The following MED20 variants were observed in gnomAD, a reference collection of about 807,000 sequenced individuals.
MED20 encodes the protein mediator of RNA polymerase II transcription subunit 20.
A neutral mutation model predicts 19.7 loss-of-function variants in MED20; 19 were observed. The ratio of observed to expected loss-of-function variants is 0.96; its 90% CI spans 0.67 to 1.42. MED20 has a LOEUF of 1.42. MED20 is among the 40% of genes most tolerant of loss of function. MED20 has a pLI of 0.00. For synonymous variants in MED20, 105 were observed against 104.8 expected (o/e 1.00, Z -0.01); for missense variants, 225 against 273.0 (o/e 0.82, Z 1.24).
At chr6:41,909,187 G>C in intron 3 of MED20, 82 bp downstream of exon 3, 2 of 1,383,442 alleles carry the variant, frequency 1.4e-6, no homozygotes, top group African/African-American at 1.5e-5. Context: ...AAAAAAAAAA[G>C]AGAAGAACTG....
At chr6:41,917,667 C>T in intron 1 of MED20, 1 of 430,222 alleles carries the variant, frequency 2.3e-6, no homozygotes, top group South Asian at 1.6e-5. Context: ...GCCAAAGATT[C>T]TAGATGACAC....
At chr6:41,908,679 A>G (rs908375562) in intron 3 of MED20, among the ~76,000 whole-genome samples, 1 of 151,990 alleles carries the variant, frequency 6.6e-6, no homozygotes, top group Admixed American at 6.6e-5. Flanking sequence ...ATCATAACTC[A>G]CCTGCCTTCC....
intron 3 of MED20, chr6:41,908,992 G>C (rs1362695651): frequency 4.2e-6 from 2 of 475,614 alleles, no homozygotes; most frequent in Non-Finnish European, 7.4e-6. Context: ...AGATCAGCCT[G>C]GGCAACATAG....
rs763208484 is a variant in MED20 at position 41,916,866 on chromosome 6, T to C, written c.88A>G (p.Met30Val). Residue 30 changes from methionine to valine, a missense_variant, in exon 2 of 4, where the codon ATG (methionine) becomes GTG (valine). Met to Val is a conservative substitution (Grantham distance 21, BLOSUM62 1). Transcript: ENST00000265350. The stretch of plus-strand genomic sequence containing the variant: ...GTTCCTTGCTTCTCTGCCCCAAGCA[T>C]CTCCAATTTCCGGGTAAGGAGCTCT... ...TVELLTRKLE[M>V]LGAEKQGTFC... The C allele has an allele frequency of 2.5e-5, 41 of 1,614,074 alleles. No individual in the cohort carries two copies. The highest frequency in any genetic ancestry group is 2.9e-5 in the Non-Finnish European group (34 of 1,180,000).
chr6:41,906,962 T>C lies in MED20; in HGVS notation c.*110A>G, dbSNP rs937642645. On this transcript the variant is annotated 3_prime_UTR_variant, in exon 4 of 4. Coordinates refer to ENST00000265350, the MANE Select transcript of MED20 (RefSeq NM_004275.5). ...ACAGCTGAGAACCAGAGAAGGAGAG[T>C]AGAGTCCATGTCTACCCTGGGTTTC... 3 of 918,472 alleles carry C rather than the reference T, an allele frequency of 3.3e-6. No individual in the cohort carries two copies. The highest frequency in any genetic ancestry group is 3.3e-5 in the African/African-American group (2 of 60,206). 56.9% of individuals were successfully genotyped at this position (918,472 alleles called of 1,614,324 possible). A position where few individuals can be genotyped will look rare whatever the true frequency, so the allele number is the denominator to read the frequency against.
chr6:41,909,205 T>C (rs746481623), intron 3 of MED20, 64 bp downstream of exon 3: 1 of 1,545,166 alleles, frequency 6.5e-7, no homozygotes, highest in Non-Finnish European at 8.7e-7. Context: ...CTGGAAAATC[T>C]TCAGAGCCCT....
chr6:41,914,674 A>C (rs934073995), intron 2 of MED20, among the ~76,000 whole-genome samples: 6 of 151,924 alleles, frequency 3.9e-5, no homozygotes, highest in African/African-American at 1.5e-4. Flanking sequence ...AGCTGTGATC[A>C]TGCTACTGTA....
In MED20 at chr6:41,914,942, T is replaced by C. The variant is rs569978598; in HGVS notation, c.169+1843A>G. The stretch of plus-strand genomic sequence containing the variant: ...AAGACTTCTGGGCCTAAAACAAGTC[T>C]TTCTCAAATTTCAGAGTGCATAAGG... On this transcript the variant is annotated intron_variant, in intron 2 of 3. Transcript: ENST00000265350. 2.6e-5 allele frequency among the ~76,000 whole-genome samples: 4 copies of C among 152,306 alleles called. No individual in the cohort carries two copies. The South Asian group carries it at 8.3e-4, about 32-fold the overall frequency.
chr6:41,913,178 A>G (rs1775238862), intron 2 of MED20: 1 of 152,110 alleles, frequency 6.6e-6, no homozygotes, highest in African/African-American at 2.4e-5. Context: ...CTAAGTCAGA[A>G]ACTTTGGCGT....
At chr6:41,911,154 CT>C (rs544752819) in intron 2 of MED20, among the ~76,000 whole-genome samples, 2,185 of 140,308 alleles carry the variant, frequency 0.016, 27 homozygotes, top group African/African-American at 0.042. Flanking sequence ...AGGCTAAAAA[CT>C]TTTTTTTTTT....
At chr6:41,914,338 G>A (rs1297247508) in intron 2 of MED20, among the ~76,000 whole-genome samples, 1 of 152,148 alleles carries the variant, frequency 6.6e-6, no homozygotes, top group African/African-American at 2.4e-5. Context: ...AATCTTCTCT[G>A]GTGCCTCTCA....
chr6:41,910,201 A>G (rs1775156444), intron 2 of MED20, among the ~76,000 whole-genome samples: 1 of 152,244 alleles, frequency 6.6e-6, no homozygotes, highest in Non-Finnish European at 1.5e-5. Flanking sequence ...GAGAGACCTC[A>G]GGATCTGGAT....
chr6:41,910,568 G>T (rs1775165973), intron 2 of MED20, among the ~76,000 whole-genome samples: 2 of 150,822 alleles, frequency 1.3e-5, no homozygotes, highest in African/African-American at 4.9e-5. Flanking sequence ...GGAGGCAGAG[G>T]TTGCAGTGAG....
At chr6:41,917,490 C>T (rs1222498939) in intron 1 of MED20, 2 of 235,650 alleles carry the variant, frequency 8.5e-6, no homozygotes, top group African/African-American at 2.3e-5. Context: ...TGAATGTGAA[C>T]AATCAATTAA....
In MED20 at chr6:41,906,145, G is replaced by A. The variant is rs982787254; in HGVS notation, c.*927C>T. ...ACTCAGCACATGACTGCCCAGATAA[G>A]AGGTTCTATGTCCCAGCATCTCTTT... On this transcript the variant is annotated 3_prime_UTR_variant, in exon 4 of 4. Transcript: ENST00000265350. 1.3e-5 allele frequency: 2 copies of A among 152,212 alleles called. No individual in the cohort carries two copies. Among genetic ancestry groups the A allele is most frequent in the Non-Finnish European group, 2.9e-5 (2 of 68,048 alleles). 9.4% of individuals were successfully genotyped at this position (152,212 alleles called of 1,614,324 possible).
chr6:41,908,612 C>T (rs1356676693), intron 3 of MED20, among the ~76,000 whole-genome samples: 1 of 152,200 alleles, frequency 6.6e-6, no homozygotes, highest in African/African-American at 2.4e-5. Flanking sequence ...GAAAATTGTT[C>T]TAAGAGTTGT....
intron 2 of MED20, among the ~76,000 whole-genome samples, chr6:41,911,291 T>C (rs1404004836): frequency 3.3e-5 from 5 of 151,660 alleles, no homozygotes; most frequent in Non-Finnish European, 7.4e-5. Context: ...GCTGGGATTA[T>C]AGGTGTGAGC....
chr6:41,912,663 C>G (rs181914191), intron 2 of MED20, among the ~76,000 whole-genome samples: 1 of 152,110 alleles, frequency 6.6e-6, no homozygotes, highest in Non-Finnish European at 1.5e-5. Context: ...AGACGACAAT[C>G]GTATTTTCTA....
chr6:41,910,530 G>T (rs1775164920), intron 2 of MED20, among the ~76,000 whole-genome samples: 1 of 151,666 alleles, frequency 6.6e-6, no homozygotes. Flanking sequence ...TACTGGGGAG[G>T]CTGAGGCACG....
Sources: gnomAD v4.1 joint callset for allele counts (sites outside exome capture counted in the v4.1 genomes callset) on GRCh38, gnomAD v4.1.1 for gene constraint, MANE v1.5 for transcripts, NCBI Gene and HGNC (gene_info 2026-07-23, HGNC 2026-07-21) for gene names.